The following PRKCE variants were observed in gnomAD, a reference collection of about 807,000 sequenced individuals.
PRKCE encodes protein kinase C epsilon type.
In PRKCE, 16 loss-of-function variants were observed where a neutral mutation model predicts 85.4. That is an observed-to-expected ratio of 0.19 (90% CI 0.13 to 0.28). The LOEUF (loss-of-function observed/expected upper bound fraction) is 0.28, where lower values mean the gene tolerates loss of function less well. Ranked by LOEUF, PRKCE falls within the 10% of genes least tolerant of loss-of-function variation. The probability of loss-of-function intolerance (pLI) is 1.00; values close to 1 mark genes in which losing one functional copy is unlikely to be tolerated. For missense variants in PRKCE, 573 were observed against 975.2 expected, an observed-to-expected ratio of 0.59 and a Z score of 5.49; for synonymous variants, 388 against 371.5, an observed-to-expected ratio of 1.04 and a Z score of -0.51.
intron 5 of PRKCE, among the ~76,000 whole-genome samples, chr2:45,982,607 C>T (rs1702983797): frequency 6.6e-6 from 1 of 152,192 alleles, no homozygotes; most frequent in South Asian, 2.1e-4. Context: ...CATGTTCTCT[C>T]TGTGACTCTC....
At chr2:45,668,909 A>G (rs1204972840) in intron 1 of PRKCE, among the ~76,000 whole-genome samples, 1 of 152,178 alleles carries the variant, frequency 6.6e-6, no homozygotes, top group African/African-American at 2.4e-5. Context: ...GAAACCGAGG[A>G]TAAAGGGTGC....
In PRKCE at chr2:46,159,928, T is replaced by A; in HGVS notation, c.2067+176T>A. ...ATGTCTTTAGGCCCCAAGTGTTTAC[T>A]ATTGAAAACATGTAACCTACTACAG... On this transcript the variant is annotated intron_variant, in intron 14 of 14. Transcript: ENST00000306156. This position sits in a 1 kb window ranked among gnomAD's most constrained non-coding sequence, Gnocchi z 4.1. 3 of 697,948 alleles carry A rather than the reference T, an allele frequency of 4.3e-6. No homozygotes were observed. Among genetic ancestry groups the A allele is most frequent in the Non-Finnish European group, 2.2e-6 (1 of 451,204 alleles). The allele number at this position is 697,948 out of a possible 1,614,324, so 43.2% of individuals were successfully genotyped here.
intron 2 of PRKCE, among the ~76,000 whole-genome samples, chr2:45,963,466 G>A (rs950337114): frequency 7.9e-5 from 12 of 151,992 alleles, no homozygotes; most frequent in South Asian, 2.1e-4. Flanking sequence ...GCGCCACCAC[G>A]CCCGGCTAAT....
At chr2:46,167,825 C>T (rs1221248393) in intron 14 of PRKCE, 1 of 146,154 alleles carries the variant, frequency 6.8e-6, no homozygotes, top group Non-Finnish European at 1.5e-5. Flanking sequence ...TGCCTTCATT[C>T]TCAGTAGTGT....
rs553392888 is a variant in PRKCE at position 46,054,435 on chromosome 2, A to C, written c.1438-31773A>C. Among the ~76,000 whole-genome samples the C allele has an allele frequency of 3.3e-5, 5 of 152,270 alleles. No homozygotes were observed. In the South Asian group the frequency reaches 1.0e-3, roughly 32 times the overall value. On this transcript the variant is annotated intron_variant, in intron 10 of 14. Transcript: ENST00000306156. ...TTGACACCTCTACTATTTTTTTTCTACTATGTCAGAATACCCCCTCAGCCT... is the reference window on the plus strand; with the variant it reads ...TTGACACCTCTACTATTTTTTTTCTCCTATGTCAGAATACCCCCTCAGCCT...
chr2:46,036,638 C>G (rs1707882227), intron 10 of PRKCE, among the ~76,000 whole-genome samples: 1 of 152,050 alleles, frequency 6.6e-6, no homozygotes, highest in Non-Finnish European at 1.5e-5. Flanking sequence ...CAAGCACACA[C>G]TAAGGAGCAC....
chr2:45,862,414 C>T (rs1446494352), intron 2 of PRKCE, among the ~76,000 whole-genome samples: 4 of 152,206 alleles, frequency 2.6e-5, no homozygotes, highest in African/African-American at 7.2e-5. Context: ...ACTTCCTGGT[C>T]ATACCACCTA....
intron 1 of PRKCE, among the ~76,000 whole-genome samples, chr2:45,741,433 A>G (rs1300991215): frequency 6.7e-6 from 1 of 150,206 alleles, no homozygotes; most frequent in African/African-American, 2.4e-5. Context: ...CCGACTGGGG[A>G]CAAATATCAG....
chr2:46,133,593 G>A (rs918684326), intron 11 of PRKCE, among the ~76,000 whole-genome samples: 2 of 152,182 alleles, frequency 1.3e-5, no homozygotes, highest in African/African-American at 2.4e-5. Flanking sequence ...CGCTAAAATG[G>A]ACTTCATAGA....
chr2:46,086,368 C>T lies in PRKCE; in HGVS notation c.1592+6C>T, dbSNP rs1574433427. 6.3e-7 allele frequency: 1 copy of T among 1,595,594 alleles called. No individual in the cohort carries two copies. The highest frequency in any genetic ancestry group is 2.2e-5 in the East Asian group (1 of 44,768). ...CAGCATGGAGTCATCTACAGGTAGC[C>T]TCTTCTCTCCTCCTCTTTCCTGAAA... On this transcript the variant is annotated splice_donor_region_variant and intron_variant, in intron 11 of 14. Transcript: ENST00000306156.
At chr2:46,072,971 CAGT>C (rs1252223601) in intron 10 of PRKCE, among the ~76,000 whole-genome samples, 3 of 152,220 alleles carry the variant, frequency 2.0e-5, no homozygotes, top group African/African-American at 7.2e-5. Flanking sequence ...CCCCACTCAT[CAGT>C]AGGAAGTACC....
chr2:45,746,620 C>A (rs1683156428), intron 1 of PRKCE, among the ~76,000 whole-genome samples: 1 of 152,160 alleles, frequency 6.6e-6, no homozygotes, highest in African/African-American at 2.4e-5. Flanking sequence ...TGGTTTGTGC[C>A]AGGACAAGGT....
intron 2 of PRKCE, among the ~76,000 whole-genome samples, chr2:45,903,673 T>C (rs1696736228): frequency 6.6e-6 from 1 of 152,198 alleles, no homozygotes; most frequent in Non-Finnish European, 1.5e-5. Flanking sequence ...CCATGTAAGA[T>C]GTTCAGGGAA....
chr2:45,863,034 T>C (rs1297236012), intron 2 of PRKCE, among the ~76,000 whole-genome samples: 2 of 152,114 alleles, frequency 1.3e-5, no homozygotes, highest in Non-Finnish European at 2.9e-5. Flanking sequence ...AAGAGAGCAG[T>C]TGGGGACAAT....
chr2:45,919,720 T>C (rs1698109881), intron 2 of PRKCE, among the ~76,000 whole-genome samples: 1 of 152,208 alleles, frequency 6.6e-6, no homozygotes, highest in South Asian at 2.1e-4. Context: ...AGGCCTTCTT[T>C]GGCTCTAGGG....
chr2:46,026,843 C>A (rs1182353675), intron 10 of PRKCE, among the ~76,000 whole-genome samples: 1 of 152,060 alleles, frequency 6.6e-6, no homozygotes, highest in African/African-American at 2.4e-5. Flanking sequence ...CCCAAACAGG[C>A]GAGACTAAAC....
intron 13 of PRKCE, among the ~76,000 whole-genome samples, chr2:46,158,255 G>A (rs1677410665): frequency 6.6e-6 from 1 of 152,238 alleles, no homozygotes; most frequent in Non-Finnish European, 1.5e-5. Flanking sequence ...GTAGCATTTT[G>A]ACTAGTTCCT....
At chr2:45,690,121 A>T (rs1182815006) in intron 1 of PRKCE, among the ~76,000 whole-genome samples, 1 of 152,162 alleles carries the variant, frequency 6.6e-6, no homozygotes, top group South Asian at 2.1e-4. Flanking sequence ...TCTCATATTG[A>T]TCTGCTTTCT....
intron 6 of PRKCE, among the ~76,000 whole-genome samples, chr2:45,988,739 C>T (rs1002431706): frequency 2.2e-4 from 34 of 152,178 alleles, no homozygotes; most frequent in Middle Eastern, 3.2e-3. Flanking sequence ...GCCCCTCAAC[C>T]ACTATTAAAC....
Sources: allele counts gnomAD v4.1 joint callset (sites outside exome capture counted in the v4.1 genomes callset), GRCh38; gene constraint gnomAD v4.1.1; non-coding constraint Gnocchi (gnomAD v3.1); transcripts MANE v1.5; gene names NCBI Gene and HGNC (gene_info 2026-07-23, HGNC 2026-07-21).